CNTN5: variants seen among roughly 807,000 people sequenced by gnomAD.
CNTN5 encodes contactin 5, also known as contactin-5.
Under a neutral mutation model 129.1 loss-of-function variants are expected in CNTN5, and 77 were observed. The ratio of observed to expected loss-of-function variants is 0.60; its 90% CI spans 0.50 to 0.72. The LOEUF is 0.72. Among genes scored for constraint, CNTN5 ranks in the 30% least tolerant of loss-of-function variants. The pLI is 0.00. For missense variants in CNTN5, 1,478 were observed against 1,328.8 expected (o/e 1.11, Z -1.75); for synonymous variants, 509 against 465.6 (o/e 1.09, Z -1.20).
At chr11:100,262,404 T>C (rs1038599501) in intron 17 of CNTN5, among the ~76,000 whole-genome samples, 4 of 152,142 alleles carry the variant, frequency 2.6e-5, no homozygotes, top group African/African-American at 7.2e-5. Context: ...GATATAGAAC[T>C]GGAAATATCA....
chr11:99,952,535 A>T (rs1388086652), intron 7 of CNTN5, among the ~76,000 whole-genome samples: 5 of 152,062 alleles, frequency 3.3e-5, no homozygotes, highest in African/African-American at 9.7e-5. Context: ...AAAGTTATTT[A>T]TTTTTTATTT....
At chr11:99,136,161 T>C (rs1859207559) in intron 1 of CNTN5, among the ~76,000 whole-genome samples, 1 of 152,164 alleles carries the variant, frequency 6.6e-6, no homozygotes. Context: ...TTCTTACTTT[T>C]CTTTTCTCTA....
At chr11:100,286,999 G>C (rs2138844285) in intron 18 of CNTN5, among the ~76,000 whole-genome samples, 1 of 152,130 alleles carries the variant, frequency 6.6e-6, no homozygotes, top group African/African-American at 2.4e-5. Flanking sequence ...TGGAAGAAAG[G>C]GTATCAGCAA....
intron 8 of CNTN5, among the ~76,000 whole-genome samples, chr11:99,988,002 A>G (rs888585459): frequency 6.6e-6 from 1 of 152,208 alleles, no homozygotes; most frequent in Non-Finnish European, 1.5e-5. Context: ...TTACATCTAG[A>G]GTCTTTAATG....
rs567117082 is a variant in CNTN5 at position 100,081,182 on chromosome 11, G to A, written c.1580+6888G>A. Among the ~76,000 whole-genome samples the A allele has an allele frequency of 1.4e-3, 216 of 152,064 alleles. 1 individual carries two copies. The highest frequency in any genetic ancestry group is 4.9e-3 in the African/African-American group (205 of 41,492). On this transcript the variant is annotated intron_variant, in intron 13 of 24. Coordinates refer to ENST00000524871, the MANE Select transcript of CNTN5 (RefSeq NM_014361.4). ...AAAAATTTTAAAATATAAAGCATTA[G>A]CATTTTATTATATTTTATTAGAAAA...
chr11:100,161,877 C>T (rs1947465691), intron 13 of CNTN5, among the ~76,000 whole-genome samples: 1 of 88,300 alleles, frequency 1.1e-5, no homozygotes, highest in East Asian at 2.8e-4. Flanking sequence ...ACACACAAAA[C>T]AAAAAACAAA....
intron 1 of CNTN5, among the ~76,000 whole-genome samples, chr11:99,136,782 T>A (rs1859247934): frequency 3.4e-5 from 1 of 29,104 alleles, no homozygotes; most frequent in Non-Finnish European, 6.1e-5. Flanking sequence ...AGGACATGGG[T>A]TGTTTTAATG....
At chr11:100,119,928 T>A (rs111337404) in intron 13 of CNTN5, among the ~76,000 whole-genome samples, 135 of 152,090 alleles carry the variant, frequency 8.9e-4, no homozygotes, top group African/African-American at 3.1e-3. Context: ...CTTCCGTGCC[T>A]TTCTTTACAA....
At chr11:99,544,573 A>G (rs7949852) in intron 2 of CNTN5, among the ~76,000 whole-genome samples, 74,343 of 151,966 alleles carry the variant, frequency 0.49, 18,658 homozygotes, top group African/African-American at 0.58. Context: ...AATAAACAGT[A>G]TTAAGAATTT....
At chr11:99,246,421 G>A (rs1861819670) in intron 1 of CNTN5, among the ~76,000 whole-genome samples, 1 of 152,154 alleles carries the variant, frequency 6.6e-6, no homozygotes, top group Non-Finnish European at 1.5e-5. Flanking sequence ...AGTACCAGAG[G>A]TTTACAGATT....
chr11:99,442,616 C>G (rs1276638105), intron 2 of CNTN5, among the ~76,000 whole-genome samples: 1 of 152,148 alleles, frequency 6.6e-6, no homozygotes, highest in Admixed American at 6.5e-5. Context: ...TCTATGTATG[C>G]TTGTGAATAC....
At chr11:100,167,825 C>G (rs1259694421) in intron 13 of CNTN5, among the ~76,000 whole-genome samples, 2 of 151,832 alleles carry the variant, frequency 1.3e-5, no homozygotes, top group African/African-American at 4.8e-5. Context: ...TGTCAAATGC[C>G]AAGACAGGCC....
At chr11:100,197,892 A>T (rs964603249) in intron 15 of CNTN5, among the ~76,000 whole-genome samples, 7 of 151,920 alleles carry the variant, frequency 4.6e-5, no homozygotes, top group African/African-American at 1.7e-4. Flanking sequence ...ACTGAGCCAA[A>T]GTGCTATATA....
At chr11:100,291,826 T>C (rs1046455802) in intron 18 of CNTN5, among the ~76,000 whole-genome samples, 6 of 148,396 alleles carry the variant, frequency 4.0e-5, no homozygotes, top group Admixed American at 4.0e-4. Flanking sequence ...AAAGGAAAAA[T>C]ATTTTTTCTA....
At chr11:99,776,126 C>T (rs564101612) in intron 3 of CNTN5, among the ~76,000 whole-genome samples, 3 of 151,954 alleles carry the variant, frequency 2.0e-5, no homozygotes, top group African/African-American at 7.2e-5. Context: ...TGAGTAAACA[C>T]TCTGTGCTAG....
intron 6 of CNTN5, among the ~76,000 whole-genome samples, chr11:99,913,666 A>C (rs975976791): frequency 2.0e-5 from 3 of 151,966 alleles, no homozygotes; most frequent in Non-Finnish European, 4.4e-5. Context: ...TTATTCTATA[A>C]TTTTCTTTTC....
intron 1 of CNTN5, among the ~76,000 whole-genome samples, chr11:99,246,828 A>G (rs538106792): frequency 2.0e-5 from 3 of 152,140 alleles, no homozygotes; most frequent in African/African-American, 2.4e-5. Flanking sequence ...AATCATTACT[A>G]ATCATAGGCT....
At chr11:99,889,291 GGTGTGTGTGTGTGTGTGTGTGTGT>G (rs71050029) in intron 6 of CNTN5, among the ~76,000 whole-genome samples, 3,254 of 33,080 alleles carry the variant, frequency 0.098, 75 homozygotes, top group Middle Eastern at 0.12. Flanking sequence ...CTCCAGAGCA[GGTGTGTGTGTGTGTGTGTGTGTGT>G]GTGTGTGTGT....
At chr11:99,686,360 AT>A (rs1953793883) in intron 3 of CNTN5, among the ~76,000 whole-genome samples, 2 of 151,630 alleles carry the variant, frequency 1.3e-5, no homozygotes, top group African/African-American at 2.4e-5. Flanking sequence ...GTTTATTTTT[AT>A]TTTGAATTTT....
Sources: gnomAD v4.1 joint callset for allele counts (sites outside exome capture counted in the v4.1 genomes callset) on GRCh38, gnomAD v4.1.1 for gene constraint, MANE v1.5 for transcripts, NCBI Gene and HGNC (gene_info 2026-07-23, HGNC 2026-07-21) for gene names.